The following EPHB2 variants were observed in gnomAD, a reference collection of about 807,000 sequenced individuals.
EPHB2 encodes EPH receptor B2.
EPHB2 carries 18 observed loss-of-function variants against 96.4 expected under a neutral mutation model. The observed-to-expected ratio is 0.19, with a 90% CI of 0.13 to 0.28. The LOEUF (loss-of-function observed/expected upper bound fraction) is 0.28, where lower values mean the gene tolerates loss of function less well. Ranked by LOEUF, EPHB2 falls within the 10% of genes least tolerant of loss-of-function variation. The pLI is 1.00. For missense variants in EPHB2, 989 were observed against 1,355.4 expected, an observed-to-expected ratio of 0.73 and a Z score of 4.25; for synonymous variants, 506 against 534.1, an observed-to-expected ratio of 0.95 and a Z score of 0.72.
At chr1:22,721,569 A>G (rs942646329) in intron 1 of EPHB2, among the ~76,000 whole-genome samples, 5 of 152,160 alleles carry the variant, frequency 3.3e-5, no homozygotes, top group African/African-American at 4.8e-5. Context: ...TCACACAGGA[A>G]TCTGTGTCCG....
chr1:22,895,667 G>A, intron 8 of EPHB2, 87 bp downstream of exon 8: 1 of 1,244,124 alleles, frequency 8.0e-7, no homozygotes, highest in Non-Finnish European at 1.2e-6. Flanking sequence ...CAGTGCTGGT[G>A]AACCGAGGAG....
chr1:22,840,295 A>G (rs1326290124), intron 3 of EPHB2, among the ~76,000 whole-genome samples: 1 of 152,194 alleles, frequency 6.6e-6, no homozygotes, highest in Non-Finnish European at 1.5e-5. Context: ...CTTAAGCACA[A>G]GTGTAAAGAT....
chr1:22,765,883 G>A (rs1644301489), intron 1 of EPHB2, among the ~76,000 whole-genome samples: 1 of 152,144 alleles, frequency 6.6e-6, no homozygotes, highest in Non-Finnish European at 1.5e-5. Flanking sequence ...TGCTCCCTGG[G>A]GTGGGGGCAG....
chr1:22,867,115 T>C (rs746450734), intron 5 of EPHB2, among the ~76,000 whole-genome samples: 7 of 152,226 alleles, frequency 4.6e-5, no homozygotes, highest in Non-Finnish European at 8.8e-5. Context: ...AAGAATTGAC[T>C]AGGTCTGACA....
intron 3 of EPHB2, among the ~76,000 whole-genome samples, chr1:22,818,074 G>T (rs1248445535): frequency 6.6e-6 from 1 of 150,562 alleles, no homozygotes; most frequent in Admixed American, 6.6e-5. Context: ...GTGTCATCTG[G>T]GCTTAGACAC....
chr1:22,749,178 G>A (rs968165515), intron 1 of EPHB2, among the ~76,000 whole-genome samples: 9 of 151,786 alleles, frequency 5.9e-5, no homozygotes, highest in East Asian at 1.9e-4. Flanking sequence ...GTGCCACCAC[G>A]CCTAGCTCAT....
rs527425433 is a variant in EPHB2 at position 22,853,312 on chromosome 1, C to T, written c.812-9725C>T. ...AGCTTGCAGTGAGCCAAGATCGCGC[C>T]GCTGCACTCCAGCCTGGGCGACAAA... On this transcript the variant is annotated intron_variant, in intron 3 of 15. Transcript: ENST00000374630. 9.8e-5 allele frequency among the ~76,000 whole-genome samples: 15 copies of T among 152,314 alleles called. No individual in the cohort carries two copies. The East Asian group carries it at 2.3e-3, about 24-fold the overall frequency.
chr1:22,864,900 G>A lies in EPHB2; in HGVS notation c.991G>A (p.Val331Met). 6.2e-7 allele frequency: 1 copy of A among 1,608,240 alleles called. No individual in the cohort carries two copies. Among genetic ancestry groups the A allele is most frequent in the Non-Finnish European group, 8.5e-7 (1 of 1,177,580 alleles). Residue 331 changes from valine (V) to methionine (M), a missense_variant, in exon 5 of 16, where the codon GTG becomes ATG. By Grantham distance (21) the Val-to-Met change is conservative. Transcript: ENST00000374630. ...AGCCATCCCCTCCGCGCCCCAGGCT[G>A]TGATTTCCAGTGTCAATGAGACCTC... ...CTTIPSAPQA[V>M]ISSVNETSLM...
Position 22,919,121 on chromosome 1 carries a change from A to C in EPHB2, c.*5551A>C, listed in dbSNP as rs1203354505. On this transcript the variant is annotated 3_prime_UTR_variant, in exon 16 of 16. Coordinates refer to ENST00000374630, the MANE Select transcript of EPHB2 (RefSeq NM_017449.5). ...GCCCAAGAGTCTCCATTTTTTGACA[A>C]GCTCCTCCAGGAGATTCCTCCAGAC... is the stretch of plus-strand genomic sequence containing the variant. The C allele has an allele frequency of 6.6e-6, 1 of 152,186 alleles. No individual in the cohort carries two copies. The highest frequency in any genetic ancestry group is 1.5e-5 in the Non-Finnish European group (1 of 68,046). The allele number at this position is 152,186 out of a possible 1,614,324, so 9.4% of individuals were successfully genotyped here.
chr1:22,879,840 G>T (rs981899028), intron 5 of EPHB2, among the ~76,000 whole-genome samples: 1 of 152,240 alleles, frequency 6.6e-6, no homozygotes, highest in African/African-American at 2.4e-5. Flanking sequence ...CAATGCCCCT[G>T]GCAGGGCAAG....
intron 1 of EPHB2, among the ~76,000 whole-genome samples, chr1:22,734,422 CT>C (rs66686608): frequency 0.28 from 37,342 of 135,440 alleles, 5,073 homozygotes; most frequent in South Asian, 0.55. Context: ...TGTCAATATT[CT>C]TTTTTTTTTT....
intron 3 of EPHB2, among the ~76,000 whole-genome samples, chr1:22,855,690 A>G (rs1246826066): frequency 6.6e-6 from 1 of 152,166 alleles, no homozygotes; most frequent in Non-Finnish European, 1.5e-5. Flanking sequence ...AATAGCCAAC[A>G]CTTACATAGC....
rs1327879129 is a variant in EPHB2, at chr1:22,877,347, T to C, written c.1304-5012T>C. On this transcript the variant is annotated intron_variant, in intron 5 of 15. Coordinates refer to ENST00000374630, the MANE Select transcript of EPHB2 (RefSeq NM_017449.5). ...TAGGAGCATGAAGTGAGTTAACGGA[T>C]GTGAAGCATGTGGTTTGCTGTTAGC... 2.0e-5 allele frequency among the ~76,000 whole-genome samples: 3 copies of C among 152,340 alleles called. No individual in the cohort carries two copies. The East Asian group carries it at 5.8e-4, about 29-fold the overall frequency.
rs189908487 is a variant in EPHB2 at position 22,729,349 on chromosome 1, C to T, written c.61+18306C>T. Among the ~76,000 whole-genome samples, 4 of 152,328 alleles carry T rather than the reference C, an allele frequency of 2.6e-5. No individual in the cohort carries two copies. In the East Asian group the frequency reaches 7.7e-4, roughly 29 times the overall value. On this transcript the variant is annotated intron_variant, in intron 1 of 15. Coordinates refer to ENST00000374630, the MANE Select transcript of EPHB2 (RefSeq NM_017449.5). ...CCTGGCCCATAGCCACACTGGGAGA[C>T]AGAAACACACAGACCTATATTAGGA...
intron 4 of EPHB2, 56 bp downstream of exon 4, chr1:22,863,248 A>G (rs1453279359): frequency 1.2e-6 from 2 of 1,612,240 alleles, no homozygotes; most frequent in South Asian, 2.2e-5. Flanking sequence ...GTCTACCTGC[A>G]GAAAAGCTCA....
Position 22,913,328 on chromosome 1 carries a change from C to T in EPHB2, c.2853-134C>T. ...GCTCCCTCCAGCTGTGGCTGCCTGC[C>T]CACTCCCCACTCCCCACTCCCCAGT... On this transcript the variant is annotated intron_variant, in intron 15 of 15. Transcript: ENST00000374630. This position sits in a 1 kb window ranked among gnomAD's most constrained non-coding sequence, Gnocchi z 4.1. 8.6e-7 allele frequency: 1 copy of T among 1,158,526 alleles called. No individual in the cohort carries two copies. Among genetic ancestry groups the T allele is most frequent in the South Asian group, 1.4e-5 (1 of 73,636 alleles). 71.8% of individuals were successfully genotyped at this position (1,158,526 alleles called of 1,614,324 possible).
chr1:22,863,155 CA>C lies in EPHB2; in HGVS notation c.931del (p.Arg311GlufsTer21). The C allele has an allele frequency of 6.2e-7, 1 of 1,614,214 alleles. No homozygotes were observed. Among genetic ancestry groups the C allele is most frequent in the Non-Finnish European group, 8.5e-7 (1 of 1,180,044 alleles). ...TNCVCRNGYYRADLDPLDMPC... is the reference protein window; with the variant it reads ...TNCVCRNGYYXADLDPLDMPC... ...ACTGTGTCTGCCGCAATGGCTACTA[CA>C]GAGCAGACCTGGACCCCCTGGACAT... On this transcript the variant is annotated frameshift_variant, in exon 4 of 16. Coordinates refer to ENST00000374630, the MANE Select transcript of EPHB2 (RefSeq NM_017449.5). LOFTEE classifies it high-confidence loss of function.
At chr1:22,775,871 T>G (rs1644444185) in intron 1 of EPHB2, among the ~76,000 whole-genome samples, 1 of 152,234 alleles carries the variant, frequency 6.6e-6, no homozygotes, top group Admixed American at 6.5e-5. Flanking sequence ...GCCTCTTTCT[T>G]CATCTATCCA....
At chr1:22,847,668 G>A (rs1645563442) in intron 3 of EPHB2, among the ~76,000 whole-genome samples, 1 of 152,190 alleles carries the variant, frequency 6.6e-6, no homozygotes, top group South Asian at 2.1e-4. Flanking sequence ...TTGGGCACTG[G>A]AATAGGATCT....
Sources: gnomAD v4.1 joint callset for allele counts (sites outside exome capture counted in the v4.1 genomes callset) on GRCh38, gnomAD v4.1.1 for gene constraint, Gnocchi (gnomAD v3.1) non-coding constraint, MANE v1.5 for transcripts, NCBI Gene and HGNC (gene_info 2026-07-23, HGNC 2026-07-21) for gene names.